Variants in BACH2 observed in about 807,000 individuals in gnomAD.
BACH2 encodes BACH transcriptional regulator 2, also known as transcription regulator protein BACH2.
In BACH2, 5 loss-of-function variants were observed where a neutral mutation model predicts 61.8. That is an observed-to-expected ratio of 0.08 (90% CI 0.04 to 0.17). The LOEUF (loss-of-function observed/expected upper bound fraction) is 0.17, where lower values mean the gene tolerates loss of function less well. BACH2 is among the 10% of genes least tolerant of loss of function. BACH2 has a pLI of 1.00. For missense variants in BACH2, 824 were observed against 1,091.1 expected (o/e 0.76, Z 3.45); for synonymous variants, 446 against 440.1 (o/e 1.01, Z -0.17).
At chr6:90,025,036 GC>G (rs1396174901) in intron 5 of BACH2, among the ~76,000 whole-genome samples, 26 of 152,302 alleles carry the variant, frequency 1.7e-4, no homozygotes, top group African/African-American at 6.3e-4. Context: ...CGTTTAGCGG[GC>G]CAGAGAGAAG....
At chr6:89,985,435 G>A (rs10944470) in intron 6 of BACH2, among the ~76,000 whole-genome samples, 42,835 of 151,940 alleles carry the variant, frequency 0.28, 6,656 homozygotes, top group African/African-American at 0.4. Flanking sequence ...TCCAGATGCT[G>A]TGGGGAGGTG....
chr6:89,951,118 C>T lies in BACH2; in HGVS notation c.988G>A (p.Glu330Lys). ...GGCGAGGCCACGCTCCTGGATCTCT[C>T]CAGGCAGGCGGCCCCAGCTGGGGCC... ...PTAPAGAACL[E>K]RSRSVASPSC... Residue 330 changes from glutamate to lysine, a missense_variant, in exon 7 of 9, where the codon GAG becomes AAG. This residue lies in a region of BACH2 where 226 missense variants were observed against 228.5 expected (regional missense o/e 0.99). Coordinates refer to ENST00000257749, the MANE Select transcript of BACH2 (RefSeq NM_021813.4). The surrounding 1 kb of genome is among the most constrained non-coding windows in gnomAD (Gnocchi z 6.4). The T allele has an allele frequency of 6.2e-7, 1 of 1,612,192 alleles. No homozygotes were observed. Among genetic ancestry groups the T allele is most frequent in the South Asian group, 1.1e-5 (1 of 90,784 alleles).
intron 4 of BACH2, among the ~76,000 whole-genome samples, chr6:90,195,279 C>T (rs766154): frequency 2.6e-5 from 4 of 152,096 alleles, no homozygotes; most frequent in East Asian, 1.9e-4. Flanking sequence ...ACATGATTAG[C>T]GTTTCTGACA....
intron 4 of BACH2, among the ~76,000 whole-genome samples, chr6:90,191,424 A>G (rs1287870476): frequency 6.6e-6 from 1 of 152,242 alleles, no homozygotes; most frequent in African/African-American, 2.4e-5. Context: ...ACATTTGCAA[A>G]TGGCTCATTC....
intron 5 of BACH2, among the ~76,000 whole-genome samples, chr6:90,072,895 C>G (rs1379828659): frequency 6.6e-6 from 1 of 152,124 alleles, no homozygotes; most frequent in African/African-American, 2.4e-5. Flanking sequence ...CTAAAAAAAA[C>G]CAACCCGCTA....
chr6:90,174,786 T>C (rs572930734), intron 4 of BACH2, among the ~76,000 whole-genome samples: 71 of 152,058 alleles, frequency 4.7e-4, no homozygotes, highest in Admixed American at 9.8e-4. Context: ...CTCAGAACAT[T>C]GTGTTTTGTG....
At chr6:90,275,665 C>T (rs1047666368) in intron 1 of BACH2, among the ~76,000 whole-genome samples, 2 of 151,910 alleles carry the variant, frequency 1.3e-5, no homozygotes, top group African/African-American at 4.8e-5. Flanking sequence ...ACTCTCCACT[C>T]TCCAGTAGGC....
chr6:90,053,358 C>T lies in BACH2; in HGVS notation c.-13+35603G>A, dbSNP rs571334424. Among the ~76,000 whole-genome samples the T allele has an allele frequency of 2.6e-5, 4 of 152,242 alleles. No individual in the cohort carries two copies. The South Asian group carries it at 8.3e-4, about 32-fold the overall frequency. ...ACAGTGGTGTGATCAAGGCTCACTG[C>T]AGTCTTCAACTCCTGTGCTCTAGTG... On this transcript the variant is annotated intron_variant, in intron 5 of 8. Transcript: ENST00000257749.
rs148720194 is a variant in BACH2, at chr6:90,095,542, G to A, written c.-161-6433C>T. 3.9e-5 allele frequency among the ~76,000 whole-genome samples: 6 copies of A among 152,238 alleles called. No individual in the cohort carries two copies. The East Asian group carries it at 9.7e-4, about 24-fold the overall frequency. On this transcript the variant is annotated intron_variant, in intron 4 of 8. Transcript: ENST00000257749. ...AATTCACTTATTTGACATTCAAGGT[G>A]TTTAAGTTCCCAAATACAACAAAGA...
intron 4 of BACH2, among the ~76,000 whole-genome samples, chr6:90,175,039 G>A (rs963322916): frequency 1.8e-4 from 27 of 152,162 alleles, no homozygotes; most frequent in South Asian, 1.5e-3. Flanking sequence ...ATGTTCTTCA[G>A]ATGAGTAGCA....
chr6:90,198,944 T>A lies in BACH2; in HGVS notation c.-162+7625A>T, dbSNP rs546370918. Among the ~76,000 whole-genome samples the A allele has an allele frequency of 8.5e-5, 13 of 152,306 alleles. No homozygotes were observed. In the East Asian group the frequency reaches 2.3e-3, roughly 27 times the overall value. On this transcript the variant is annotated intron_variant, in intron 4 of 8. Transcript: ENST00000257749. ...TTCTTGTGACGGTGAATAAGTCTCATGAGATCTGATGGTTTTATAAAGGGG... is the reference window on the plus strand; with the variant it reads ...TTCTTGTGACGGTGAATAAGTCTCAAGAGATCTGATGGTTTTATAAAGGGG...
chr6:90,216,563 T>A (rs79459006), intron 3 of BACH2, among the ~76,000 whole-genome samples: 2,463 of 152,256 alleles, frequency 0.016, 43 homozygotes, highest in East Asian at 0.072. Context: ...AAGAGAGAGG[T>A]TGTTCTGCAT....
chr6:90,287,054 C>T (rs1463095279), intron 1 of BACH2, among the ~76,000 whole-genome samples: 1 of 152,088 alleles, frequency 6.6e-6, no homozygotes, highest in Non-Finnish European at 1.5e-5. Context: ...ACAGTGAAGT[C>T]CTGCAAGACA....
chr6:90,211,100 C>G (rs534417226), intron 3 of BACH2, among the ~76,000 whole-genome samples: 1 of 117,604 alleles, frequency 8.5e-6, no homozygotes, highest in South Asian at 3.0e-4. Flanking sequence ...GCACTGTAGC[C>G]TGGGTGACAG....
At chr6:90,251,763 A>G (rs557179431) in intron 3 of BACH2, among the ~76,000 whole-genome samples, 1 of 152,298 alleles carries the variant, frequency 6.6e-6, no homozygotes, top group East Asian at 1.9e-4. Context: ...TAATAGGAGC[A>G]TTTATTACAA....
chr6:90,124,380 G>C (rs1783762221), intron 4 of BACH2, among the ~76,000 whole-genome samples: 1 of 152,192 alleles, frequency 6.6e-6, no homozygotes, highest in Non-Finnish European at 1.5e-5. Context: ...GTATTTCCAA[G>C]TGTTTATTCA....
intron 6 of BACH2, among the ~76,000 whole-genome samples, chr6:89,984,471 A>G (rs532766898): frequency 2.6e-5 from 4 of 152,188 alleles, no homozygotes; most frequent in South Asian, 4.2e-4. Flanking sequence ...TGCTTAGGGA[A>G]TCCAAGCAGA....
At position 89,992,659 on chromosome 6, in the gene BACH2, TCAAA is replaced by T. The variant is rs933089989; in HGVS notation, c.243+15939_243+15942del. ...CTCTGTCACACAAAAAGAAAAACAA[TCAAA>T]CAAACAAACAAAAAAAAACAAAGAA... On this transcript the variant is annotated intron_variant, in intron 6 of 8. Transcript: ENST00000257749. Among the ~76,000 whole-genome samples the T allele has an allele frequency of 4.0e-5, 6 of 151,744 alleles. No homozygotes were observed. In the South Asian group the frequency reaches 6.3e-4, roughly 16 times the overall value.
At chr6:90,230,816 T>G (rs555394299) in intron 3 of BACH2, among the ~76,000 whole-genome samples, 1 of 152,142 alleles carries the variant, frequency 6.6e-6, no homozygotes, top group Non-Finnish European at 1.5e-5. Flanking sequence ...AGAGTTGAAA[T>G]GTGTTTTGCT....
Sources: gnomAD v4.1 joint callset for allele counts (sites outside exome capture counted in the v4.1 genomes callset) on GRCh38, gnomAD v4.1.1 for gene constraint, gnomAD v4.1.1 regional missense constraint, Gnocchi (gnomAD v3.1) non-coding constraint, MANE v1.5 for transcripts, NCBI Gene and HGNC (gene_info 2026-07-23, HGNC 2026-07-21) for gene names.